The following LAPTM4B variants were observed in gnomAD, a reference collection of about 807,000 sequenced individuals.
The protein encoded by LAPTM4B is lysosomal protein transmembrane 4 beta, also known as lysosomal-associated transmembrane protein 4B.
In LAPTM4B, 26 loss-of-function variants were observed where a neutral mutation model predicts 28.5. The ratio of observed to expected loss-of-function variants is 0.91; its 90% CI spans 0.67 to 1.27. LAPTM4B has a LOEUF of 1.27. LAPTM4B is among the 50% of genes most tolerant of loss of function. LAPTM4B has a pLI of 0.00. For missense variants in LAPTM4B, 288 were observed against 285.8 expected, an observed-to-expected ratio of 1.01 and a Z score of -0.06; for synonymous variants, 109 against 106.4, an observed-to-expected ratio of 1.02 and a Z score of -0.15.
At chr8:97,835,409 A>C (rs1379891055) in intron 6 of LAPTM4B, among the ~76,000 whole-genome samples, 1 of 152,204 alleles carries the variant, frequency 6.6e-6, no homozygotes, top group Non-Finnish European at 1.5e-5. Context: ...TCCCTGGGTT[A>C]ATCTCTCCTC....
chr8:97,795,061 A>T (rs2129748534), intron 1 of LAPTM4B, among the ~76,000 whole-genome samples: 1 of 152,386 alleles, frequency 6.6e-6, no homozygotes, highest in African/African-American at 2.4e-5. Context: ...TATAGAAATT[A>T]GCCAAGTATC....
intron 1 of LAPTM4B, among the ~76,000 whole-genome samples, chr8:97,802,926 CACGGT>C (rs1816708867): frequency 6.6e-6 from 1 of 152,044 alleles, no homozygotes; most frequent in Non-Finnish European, 1.5e-5. Flanking sequence ...TCCGGCCAGG[CACGGT>C]GCCTCACGCC....
chr8:97,795,298 C>T (rs1450649182), intron 1 of LAPTM4B, among the ~76,000 whole-genome samples: 1 of 151,956 alleles, frequency 6.6e-6, no homozygotes, highest in East Asian at 1.9e-4. Context: ...TTATGTTGCC[C>T]AGGCTAGTCT....
At chr8:97,837,712 A>G (rs1435235651) in intron 6 of LAPTM4B, among the ~76,000 whole-genome samples, 1 of 152,172 alleles carries the variant, frequency 6.6e-6, no homozygotes, top group African/African-American at 2.4e-5. Flanking sequence ...AACAGTTTTT[A>G]CCACTGTCAT....
chr8:97,784,999 C>T (rs957585567), intron 1 of LAPTM4B, among the ~76,000 whole-genome samples: 2 of 152,106 alleles, frequency 1.3e-5, no homozygotes. Context: ...TACAGGTTTC[C>T]CCTCATCTAA....
At chr8:97,801,504 T>G (rs1387004367) in intron 1 of LAPTM4B, among the ~76,000 whole-genome samples, 2 of 152,152 alleles carry the variant, frequency 1.3e-5, no homozygotes. Context: ...CACATTCTTC[T>G]TATTTCGTTT....
intron 2 of LAPTM4B, among the ~76,000 whole-genome samples, chr8:97,810,906 C>T (rs2129781671): frequency 6.6e-6 from 1 of 152,276 alleles, no homozygotes; most frequent in Admixed American, 6.5e-5. Context: ...CTAAAGACAC[C>T]ACTACATTTA....
chr8:97,778,327 A>G (rs1249959665), intron 1 of LAPTM4B, among the ~76,000 whole-genome samples: 2 of 151,054 alleles, frequency 1.3e-5, no homozygotes, highest in Non-Finnish European at 2.9e-5. Flanking sequence ...TTTTTTTTAA[A>G]GTAGTGATTT....
intron 2 of LAPTM4B, 31 bp from the exon 3 acceptor site, chr8:97,815,297 T>G (rs1416188823): frequency 6.4e-7 from 1 of 1,572,494 alleles, no homozygotes; most frequent in Admixed American, 1.7e-5. Context: ...GATTGTCTTT[T>G]TTAAAGAAAT....
At chr8:97,828,231 A>G (rs1348778719) in intron 6 of LAPTM4B, among the ~76,000 whole-genome samples, 1 of 151,966 alleles carries the variant, frequency 6.6e-6, no homozygotes, top group African/African-American at 2.4e-5. Context: ...ATGATGGGAG[A>G]TTTTTCTCAG....
At chr8:97,828,415 A>C (rs1394881575) in intron 6 of LAPTM4B, among the ~76,000 whole-genome samples, 1 of 152,178 alleles carries the variant, frequency 6.6e-6, no homozygotes, top group African/African-American at 2.4e-5. Context: ...CAGAGAGATT[A>C]GCCTGAAAAG....
chr8:97,794,643 T>C (rs1816553175), intron 1 of LAPTM4B, among the ~76,000 whole-genome samples: 2 of 152,226 alleles, frequency 1.3e-5, no homozygotes, highest in Admixed American at 1.3e-4. Flanking sequence ...GAAACTTCCC[T>C]TTGATTTGCC....
intron 1 of LAPTM4B, among the ~76,000 whole-genome samples, chr8:97,779,205 G>C (rs1471476144): frequency 6.6e-6 from 1 of 152,114 alleles, no homozygotes; most frequent in Non-Finnish European, 1.5e-5. Flanking sequence ...CAGAGGCCAA[G>C]TGCGGTGGCT....
At chr8:97,811,021 T>C (rs188717730) in intron 2 of LAPTM4B, among the ~76,000 whole-genome samples, 2 of 152,278 alleles carry the variant, frequency 1.3e-5, no homozygotes, top group East Asian at 3.9e-4. Context: ...ATTCTCCACA[T>C]TGCAAGTTAT....
At chr8:97,819,765 C>T (rs1429629041) in intron 5 of LAPTM4B, among the ~76,000 whole-genome samples, 2 of 123,116 alleles carry the variant, frequency 1.6e-5, no homozygotes, top group Non-Finnish European at 1.6e-5. Context: ...GATGGAGTCT[C>T]GCTCTGTCGC....
chr8:97,785,332 A>G (rs369930605), intron 1 of LAPTM4B, among the ~76,000 whole-genome samples: 50 of 152,254 alleles, frequency 3.3e-4, no homozygotes, highest in African/African-American at 1.1e-3. Context: ...CCGCCTCCCA[A>G]AGTGCTGGGA....
rs566027705 is a variant in LAPTM4B at position 97,851,032 on chromosome 8, T to TG, written c.604-365_604-364insG. Among the ~76,000 whole-genome samples, 17 of 149,310 alleles carry TG rather than the reference T, an allele frequency of 1.1e-4. No homozygotes were observed. In the East Asian group the frequency reaches 3.1e-3, roughly 27 times the overall value. On this transcript the variant is annotated intron_variant, in intron 6 of 6. Transcript: ENST00000521545. ...GCGTTTTCACTGCACTTTGCAGTTC[T>TG]CACCATGAGTGGTTACTGTAGTCAA...
intron 1 of LAPTM4B, 72 bp from the exon 2 acceptor site, chr8:97,805,281 T>C: frequency 2.3e-6 from 2 of 881,038 alleles, no homozygotes; most frequent in Admixed American, 4.3e-5. Context: ...GTGGTCAGTG[T>C]AATTTTCTAT....
At chr8:97,780,596 A>T (rs1816293587) in intron 1 of LAPTM4B, among the ~76,000 whole-genome samples, 1 of 152,122 alleles carries the variant, frequency 6.6e-6, no homozygotes, top group South Asian at 2.1e-4. Flanking sequence ...TTTACTAGAT[A>T]CTTTGCATAA....
Sources: allele counts gnomAD v4.1 joint callset (sites outside exome capture counted in the v4.1 genomes callset), GRCh38; gene constraint gnomAD v4.1.1; transcripts MANE v1.5; gene names NCBI Gene and HGNC (gene_info 2026-07-23, HGNC 2026-07-21).